NBAS: variants seen among roughly 807,000 people sequenced by gnomAD.
The protein encoded by NBAS is NBAS subunit of NRZ tethering complex.
NBAS carries 219 observed loss-of-function variants against 302.5 expected under a neutral mutation model. The ratio of observed to expected loss-of-function variants is 0.72; its 90% confidence interval spans 0.65 to 0.81. NBAS has a LOEUF of 0.81. NBAS is among the 30% of genes least tolerant of loss of function. The pLI, the probability that NBAS is intolerant of heterozygous loss-of-function variation, is 0.00. For synonymous variants in NBAS, 1,118 were observed against 1,021.6 expected, an observed-to-expected ratio of 1.09 and a Z score of -1.80; for missense variants, 2,932 against 2,841.6, an observed-to-expected ratio of 1.03 and a Z score of -0.72.
chr2:14,886,085 G>T, the NBAS span, among the ~76,000 whole-genome samples: 1 of 152,094 alleles, frequency 6.6e-6, no homozygotes, highest in Non-Finnish European at 1.5e-5. Flanking sequence ...ACAATACAAA[G>T]CAAGTCCTCC....
chr2:15,552,675 C>CTAATATA (rs1664435280), intron 5 of NBAS, among the ~76,000 whole-genome samples: 2 of 152,042 alleles, frequency 1.3e-5, no homozygotes, highest in South Asian at 4.2e-4. Context: ...GTATATAATA[C>CTAATATA]CACTGAATGT....
At chr2:15,075,971 G>T in the NBAS span, among the ~76,000 whole-genome samples, 1 of 152,182 alleles carries the variant, frequency 6.6e-6, no homozygotes, top group Non-Finnish European at 1.5e-5. Flanking sequence ...AAAATACAGA[G>T]AGATATTTAA....
chr2:14,881,229 C>T, the NBAS span, among the ~76,000 whole-genome samples: 5 of 152,080 alleles, frequency 3.3e-5, no homozygotes, highest in African/African-American at 4.8e-5. Context: ...TCTATGGCGG[C>T]CATTATCCTA....
At chr2:15,255,652 C>T (rs1437841839) in intron 44 of NBAS, among the ~76,000 whole-genome samples, 2 of 152,054 alleles carry the variant, frequency 1.3e-5, no homozygotes, top group Non-Finnish European at 2.9e-5. Context: ...GTTTTTCCAA[C>T]GTTATCCTCT....
rs777433450 is a variant in NBAS at position 15,534,606 on chromosome 2, C to T, written c.683G>A (p.Cys228Tyr). The change falls in exon 9 of 52, where the codon TGT becomes TAT. Residue 228 changes from cysteine to tyrosine, a missense_variant. Physicochemically the swap from Cys to Tyr is radical, Grantham distance 194. Transcript: ENST00000281513. Reference sequence around the variant, plus strand: ...AGGATAATGACTACTGAAGCTGAAACAGTGACTTTCTTGGTAGCTCTGATT... The same window carrying T: ...AGGATAATGACTACTGAAGCTGAAATAGTGACTTTCTTGGTAGCTCTGATT... ...GTNQSYQESH[C>Y]FSFSSHYPHG... 1.9e-6 allele frequency: 3 copies of T among 1,613,866 alleles called. No homozygotes were observed. Among genetic ancestry groups the T allele is most frequent in the African/African-American group, 1.3e-5 (1 of 75,044 alleles).
chr2:15,197,950 T>C (rs1034348765), intron 48 of NBAS, among the ~76,000 whole-genome samples: 2 of 152,234 alleles, frequency 1.3e-5, no homozygotes, highest in Non-Finnish European at 2.9e-5. Context: ...AATGCAGATA[T>C]GATTCAAAAG....
chr2:15,555,587 C>T (rs1314611152), intron 3 of NBAS, among the ~76,000 whole-genome samples: 1 of 152,102 alleles, frequency 6.6e-6, no homozygotes, highest in Non-Finnish European at 1.5e-5. Context: ...GAAACAAATA[C>T]TGACCCCAAA....
intron 48 of NBAS, among the ~76,000 whole-genome samples, chr2:15,206,311 T>C (rs1247931588): frequency 1.3e-5 from 2 of 152,194 alleles, no homozygotes; most frequent in East Asian, 1.9e-4. Context: ...ACCTGGTTTT[T>C]TCTGAAAGTG....
rs566398569 is a variant in NBAS, at chr2:15,551,095, C to G, written c.379+398G>C. On this transcript the variant is annotated intron_variant, in intron 6 of 51. Transcript: ENST00000281513. Reference sequence around the variant, plus strand: ...ATCATTCCTCAAGCAACCAGCAAAACAGCACATACACGTAAATTACAGTCA... The same window carrying G: ...ATCATTCCTCAAGCAACCAGCAAAAGAGCACATACACGTAAATTACAGTCA... 7.2e-5 allele frequency among the ~76,000 whole-genome samples: 11 copies of G among 152,244 alleles called. 1 individual carries two copies. The South Asian group carries it at 1.5e-3, about 20-fold the overall frequency.
intron 30 of NBAS, among the ~76,000 whole-genome samples, chr2:15,376,452 C>G (rs1375036194): frequency 1.3e-5 from 2 of 152,108 alleles, no homozygotes; most frequent in Non-Finnish European, 2.9e-5. Flanking sequence ...TTGGTATTTT[C>G]AAAGACTATT....
intron 25 of NBAS, among the ~76,000 whole-genome samples, chr2:15,406,239 G>T (rs1297024497): frequency 6.6e-6 from 1 of 151,942 alleles, no homozygotes; most frequent in Non-Finnish European, 1.5e-5. Context: ...CAGACCAGTA[G>T]AATATAGAAA....
At chr2:15,541,314 G>A (rs1040186714) in intron 6 of NBAS, among the ~76,000 whole-genome samples, 9 of 151,990 alleles carry the variant, frequency 5.9e-5, no homozygotes, top group African/African-American at 1.7e-4. Flanking sequence ...TTTCACTAAC[G>A]AGTGACACCT....
At chr2:15,130,975 T>C in the NBAS span, among the ~76,000 whole-genome samples, 3 of 152,244 alleles carry the variant, frequency 2.0e-5, no homozygotes, top group Admixed American at 6.5e-5. Context: ...GTTTTTATTA[T>C]GTTTCATAGT....
the NBAS span, among the ~76,000 whole-genome samples, chr2:15,037,774 A>T: frequency 6.6e-6 from 1 of 152,180 alleles, no homozygotes; most frequent in East Asian, 1.9e-4. Flanking sequence ...TCCTCTTTTC[A>T]TATGATTTCA....
chr2:15,037,352 C>T, the NBAS span, among the ~76,000 whole-genome samples: 7 of 152,104 alleles, frequency 4.6e-5, no homozygotes, highest in African/African-American at 1.7e-4. Context: ...TCACCCTGTC[C>T]CCACCCGCAA....
intron 38 of NBAS, among the ~76,000 whole-genome samples, chr2:15,325,873 T>C (rs1017304249): frequency 1.3e-5 from 2 of 152,230 alleles, no homozygotes; most frequent in African/African-American, 4.8e-5. Context: ...CATTTCTAGC[T>C]TTTCCTTTAG....
At chr2:14,953,081 T>C in the NBAS span, among the ~76,000 whole-genome samples, 1 of 152,172 alleles carries the variant, frequency 6.6e-6, no homozygotes, top group Non-Finnish European at 1.5e-5. Flanking sequence ...CACAAACAAA[T>C]GCCTGAAGGC....
intron 51 of NBAS, among the ~76,000 whole-genome samples, chr2:15,169,208 ACTTGTACAGCCCAC>A (rs1664175359): frequency 6.6e-6 from 1 of 152,112 alleles, no homozygotes; most frequent in Admixed American, 6.5e-5. Flanking sequence ...ATTCATGAAC[ACTTGTACAGCCCAC>A]CTTTGACCCC....
intron 32 of NBAS, among the ~76,000 whole-genome samples, chr2:15,362,435 G>C (rs1392509936): frequency 6.6e-6 from 1 of 152,132 alleles, no homozygotes; most frequent in Non-Finnish European, 1.5e-5. Flanking sequence ...CTGAGCCCAG[G>C]AGTTCAAGAT....
Sources: allele counts gnomAD v4.1 joint callset (sites outside exome capture counted in the v4.1 genomes callset), GRCh38; gene constraint gnomAD v4.1.1; transcripts MANE v1.5; gene names NCBI Gene and HGNC (gene_info 2026-07-23, HGNC 2026-07-21).